WWOX: variants seen among roughly 807,000 people sequenced by gnomAD.
The protein encoded by WWOX is WW domain-containing oxidoreductase.
WWOX carries 69 observed loss-of-function variants against 46.2 expected under a neutral mutation model. The ratio of observed to expected loss-of-function variants is 1.49; its 90% CI spans 1.23 to 1.82. The LOEUF (loss-of-function observed/expected upper bound fraction) is 1.82. WWOX is among the 40% of genes most tolerant of loss of function. WWOX has a pLI of 0.00. For synonymous variants in WWOX, 359 were observed against 202.6 expected (o/e 1.77, Z -6.56); for missense variants, 919 against 542.6 (o/e 1.69, Z -6.89).
intron 5 of WWOX, among the ~76,000 whole-genome samples, chr16:78,385,631 G>A (rs79722843): frequency 0.012 from 1,761 of 152,266 alleles, 25 homozygotes; most frequent in Non-Finnish European, 0.015. Context: ...GAACGTCTCA[G>A]CCCAGCTCCT....
chr16:79,180,075 T>C (rs1482390538), intron 8 of WWOX, among the ~76,000 whole-genome samples: 2 of 152,180 alleles, frequency 1.3e-5, no homozygotes, highest in Admixed American at 1.3e-4. Context: ...GATTCTATTG[T>C]GCACTTTTGC....
intron 8 of WWOX, among the ~76,000 whole-genome samples, chr16:79,169,644 C>T (rs2050662131): frequency 6.6e-6 from 1 of 152,096 alleles, no homozygotes; most frequent in Non-Finnish European, 1.5e-5. Context: ...TGGCACAAGC[C>T]CTAACCAACA....
At chr16:78,650,080 G>A (rs1178955662) in intron 8 of WWOX, among the ~76,000 whole-genome samples, 1 of 152,194 alleles carries the variant, frequency 6.6e-6, no homozygotes, top group Non-Finnish European at 1.5e-5. Context: ...CTAGAGGCTA[G>A]TAGGACTGGC....
At chr16:78,177,952 C>G (rs546017434) in intron 5 of WWOX, among the ~76,000 whole-genome samples, 1 of 152,180 alleles carries the variant, frequency 6.6e-6, no homozygotes, top group African/African-American at 2.4e-5. Context: ...ATAATCATCC[C>G]TTTCAATAGT....
intron 8 of WWOX, among the ~76,000 whole-genome samples, chr16:78,727,123 G>T (rs1285559004): frequency 1.3e-5 from 2 of 152,196 alleles, no homozygotes; most frequent in African/African-American, 4.8e-5. Flanking sequence ...GCCCAGTGGG[G>T]CACAGTGGCT....
Position 79,074,409 on chromosome 16 carries a change from C to CTTTTTTTTTTTTTTTTTTTTTTTTTTTTT in WWOX, c.1057-137194_1057-137166dup, listed in dbSNP as rs60074156. Among the ~76,000 whole-genome samples the CTTTTTTTTTTTTTTTTTTTTTTTTTTTTT allele has an allele frequency of 9.4e-4, 29 of 30,988 alleles. 10 individuals carry two copies. Among genetic ancestry groups the CTTTTTTTTTTTTTTTTTTTTTTTTTTTTT allele is most frequent in the South Asian group, 3.6e-3 (2 of 554 alleles). 20.3% of individuals were successfully genotyped at this position (30,988 alleles called of 152,430 possible). A position where few individuals can be genotyped will look rare whatever the true frequency, so the allele number is the denominator to read the frequency against. On this transcript the variant is annotated intron_variant, in intron 8 of 8. Transcript: ENST00000566780. The stretch of plus-strand genomic sequence containing the variant: ...CATCCTGACTGAAATGTCACTAGTC[C>CTTTTTTTTTTTTTTTTTTTTTTTTTTTTT]TTTTTTTTTTTTTTTTTTTTTTTTT...
chr16:78,723,923 G>A (rs1471479899), intron 8 of WWOX, among the ~76,000 whole-genome samples: 3 of 152,206 alleles, frequency 2.0e-5, no homozygotes, highest in Middle Eastern at 3.4e-3. Flanking sequence ...GATTATTTGA[G>A]GACCTAGACT....
At chr16:79,169,822 A>G (rs1386182143) in intron 8 of WWOX, among the ~76,000 whole-genome samples, 2 of 152,126 alleles carry the variant, frequency 1.3e-5, no homozygotes, top group African/African-American at 4.8e-5. Context: ...GACTCTAAAT[A>G]GTGGGAAAAG....
chr16:79,111,415 T>C (rs1175880855), intron 8 of WWOX, among the ~76,000 whole-genome samples: 2 of 152,248 alleles, frequency 1.3e-5, no homozygotes, highest in Non-Finnish European at 2.9e-5. Context: ...CCTAATCGTT[T>C]ACTGGTTTGG....
chr16:79,141,713 T>G (rs1256848922), intron 8 of WWOX, among the ~76,000 whole-genome samples: 1 of 151,572 alleles, frequency 6.6e-6, no homozygotes, highest in Non-Finnish European at 1.5e-5. Flanking sequence ...CTTCTTGGTG[T>G]TGTGATAAGC....
At chr16:78,106,645 A>T (rs1317713422) in intron 1 of WWOX, among the ~76,000 whole-genome samples, 2 of 151,908 alleles carry the variant, frequency 1.3e-5, no homozygotes, top group East Asian at 1.9e-4. Context: ...CGAACTCCTG[A>T]CCTCAGGTAA....
intron 5 of WWOX, among the ~76,000 whole-genome samples, chr16:78,359,737 ATGAGAAGCCCTGATGT>A (rs745944710): frequency 6.6e-4 from 101 of 152,368 alleles, no homozygotes; most frequent in Admixed American, 2.5e-3. Context: ...CGTGATGTGC[ATGAGAAGCCCTGATGT>A]TGAGAAGCTC....
At chr16:78,481,834 A>G (rs1270657507) in intron 8 of WWOX, among the ~76,000 whole-genome samples, 1 of 151,704 alleles carries the variant, frequency 6.6e-6, no homozygotes, top group East Asian at 1.9e-4. Flanking sequence ...GACATAACAC[A>G]TATCTATGAA....
intron 8 of WWOX, among the ~76,000 whole-genome samples, chr16:78,882,037 A>C (rs2044352968): frequency 6.6e-6 from 1 of 152,098 alleles, no homozygotes; most frequent in Non-Finnish European, 1.5e-5. Flanking sequence ...GAGGCAGGAT[A>C]ATTGCTTGAG....
intron 8 of WWOX, among the ~76,000 whole-genome samples, chr16:78,882,133 A>C (rs557752384): frequency 6.6e-6 from 1 of 152,228 alleles, no homozygotes; most frequent in African/African-American, 2.4e-5. Context: ...TTACAAAACA[A>C]AAACAAAGAA....
chr16:78,965,555 C>G (rs2046349037), intron 8 of WWOX, among the ~76,000 whole-genome samples: 1 of 146,092 alleles, frequency 6.8e-6, no homozygotes, highest in Non-Finnish European at 1.5e-5. Context: ...GGGTAACGAG[C>G]AAAACTCCAT....
At chr16:78,412,140 C>T (rs1482512696) in intron 6 of WWOX, among the ~76,000 whole-genome samples, 1 of 152,072 alleles carries the variant, frequency 6.6e-6, no homozygotes, top group Non-Finnish European at 1.5e-5. Context: ...TTTAGGGGTT[C>T]CTAATGAGCC....
chr16:78,913,498 A>AC (rs998907185), intron 8 of WWOX, among the ~76,000 whole-genome samples: 21 of 151,918 alleles, frequency 1.4e-4, no homozygotes, highest in African/African-American at 4.8e-4. Context: ...TGGAAGCCAT[A>AC]CACAAGCTGG....
intron 8 of WWOX, among the ~76,000 whole-genome samples, chr16:78,846,983 A>G (rs1392119299): frequency 6.6e-6 from 1 of 152,218 alleles, no homozygotes; most frequent in Non-Finnish European, 1.5e-5. Context: ...TTGGTGCTCA[A>G]ATTGTTCCGG....
Sources: allele counts gnomAD v4.1 joint callset (sites outside exome capture counted in the v4.1 genomes callset), GRCh38; gene constraint gnomAD v4.1.1; transcripts MANE v1.5; gene names NCBI Gene and HGNC (gene_info 2026-07-23, HGNC 2026-07-21).